USH2A: variants seen among roughly 807,000 people sequenced by gnomAD.
The protein encoded by USH2A is Usher syndrome 2A (autosomal recessive, mild).
A neutral mutation model predicts 538.9 loss-of-function variants in USH2A; 443 were observed. The ratio of observed to expected loss-of-function variants is 0.82; its 90% CI spans 0.76 to 0.89. The LOEUF is 0.89. Ranked by LOEUF, USH2A falls within the 40% of genes least tolerant of loss-of-function variation. USH2A has a pLI of 0.00. For missense variants in USH2A, 6,633 were observed against 6,324.8 expected (o/e 1.05, Z -1.65); for synonymous variants, 2,413 against 2,273.5 (o/e 1.06, Z -1.75).
intron 26 of USH2A, among the ~76,000 whole-genome samples, chr1:216,081,466 C>T (rs1355744307): frequency 6.6e-6 from 1 of 152,122 alleles, no homozygotes; most frequent in Non-Finnish European, 1.5e-5. Flanking sequence ...AGCCTCAGTC[C>T]TCAGATATGG....
intron 35 of USH2A, among the ~76,000 whole-genome samples, chr1:215,973,261 C>A (rs1289571641): frequency 6.6e-6 from 1 of 152,058 alleles, no homozygotes; most frequent in South Asian, 2.1e-4. Flanking sequence ...CATAATATCT[C>A]ATTTATCTGA....
At chr1:215,897,990 T>C (rs1188225221) in intron 40 of USH2A, among the ~76,000 whole-genome samples, 1 of 152,144 alleles carries the variant, frequency 6.6e-6, no homozygotes, top group Non-Finnish European at 1.5e-5. Flanking sequence ...TCAACTCAAT[T>C]GCATATCCTT....
chr1:216,350,948 A>G (rs769467772), intron 4 of USH2A, among the ~76,000 whole-genome samples: 5 of 152,162 alleles, frequency 3.3e-5, no homozygotes, highest in African/African-American at 4.8e-5. Flanking sequence ...CTGCCTGGAC[A>G]CCCAGGCTTT....
At chr1:215,932,523 A>G (rs1666390441) in intron 38 of USH2A, among the ~76,000 whole-genome samples, 1 of 152,066 alleles carries the variant, frequency 6.6e-6, no homozygotes, top group Non-Finnish European at 1.5e-5. Flanking sequence ...TTAAACTGCC[A>G]CAAGGTCATA....
At chr1:215,926,615 T>C (rs1039405895) in intron 38 of USH2A, among the ~76,000 whole-genome samples, 7 of 7,460 alleles carry the variant, frequency 9.4e-4, no homozygotes, top group Non-Finnish European at 5.1e-4. Context: ...CCTACCTATC[T>C]TTTTTTTTTT....
intron 30 of USH2A, among the ~76,000 whole-genome samples, chr1:216,049,831 A>G (rs1441452178): frequency 6.6e-6 from 1 of 152,090 alleles, no homozygotes; most frequent in Non-Finnish European, 1.5e-5. Context: ...TCTTCATTCC[A>G]GCAACGACCC....
chr1:215,865,467 G>A lies in USH2A; in HGVS notation c.8845+1540C>T, dbSNP rs189710462. ...CTATATTGGTGGAAATTCACCAGCC[G>A]GATCTTAACAGAAGTATTCAAATGT... On this transcript the variant is annotated intron_variant, in intron 44 of 71. Coordinates refer to ENST00000307340, the MANE Select transcript of USH2A (RefSeq NM_206933.4). Among the ~76,000 whole-genome samples, 79 of 152,184 alleles carry A rather than the reference G, an allele frequency of 5.2e-4. 1 individual carries two copies. Among genetic ancestry groups the A allele is most frequent in the Admixed American group, 4.6e-3 (70 of 15,282 alleles).
chr1:216,283,055 G>A (rs1434955869), intron 11 of USH2A, among the ~76,000 whole-genome samples: 1 of 152,038 alleles, frequency 6.6e-6, no homozygotes, highest in Non-Finnish European at 1.5e-5. Context: ...TATTGATATT[G>A]TACTCTGCAA....
At chr1:215,753,265 G>A (rs546163912) in intron 58 of USH2A, among the ~76,000 whole-genome samples, 1 of 152,048 alleles carries the variant, frequency 6.6e-6, no homozygotes, top group South Asian at 2.1e-4. Context: ...ATTCCTCAGG[G>A]ATCTTGAACT....
In USH2A at chr1:215,798,066, G is replaced by C. The variant is rs530048015; in HGVS notation, c.9958+841C>G. ...CCTCATGGATGACTAAGGGGTTTTA[G>C]ACTCAAAATGGGAAAAATAACTGCA... is the stretch of plus-strand genomic sequence containing the variant. On this transcript the variant is annotated intron_variant, in intron 50 of 71. Transcript: ENST00000307340. 2.0e-5 allele frequency among the ~76,000 whole-genome samples: 3 copies of C among 152,224 alleles called. No homozygotes were observed. In the South Asian group the frequency reaches 6.2e-4, roughly 32 times the overall value.
chr1:215,695,814 C>T (rs546150763), intron 61 of USH2A, among the ~76,000 whole-genome samples: 128 of 152,212 alleles, frequency 8.4e-4, no homozygotes, highest in African/African-American at 3.0e-3. Context: ...TACAGTGGAA[C>T]GATCTTGGCC....
intron 14 of USH2A, among the ~76,000 whole-genome samples, chr1:216,220,499 G>A (rs545537061): frequency 1.3e-5 from 2 of 151,190 alleles, no homozygotes; most frequent in South Asian, 2.1e-4. Context: ...GAAGGGATGG[G>A]AAGGGTAATT....
At position 215,837,730 on chromosome 1, in the gene USH2A, G is replaced by A. The variant is rs115177714; in HGVS notation, c.9371+261C>T. Among the ~76,000 whole-genome samples, 820 of 152,250 alleles carry A rather than the reference G, an allele frequency of 5.4e-3. 6 individuals are homozygous for A. Among genetic ancestry groups the A allele is most frequent in the African/African-American group, 0.018 (759 of 41,548 alleles). ...TCACTAAAGGACACATTCAAATAAG[G>A]AGACATGTATTTCAAGTATTTGCTT... On this transcript the variant is annotated intron_variant, in intron 47 of 71. Coordinates refer to ENST00000307340, the MANE Select transcript of USH2A (RefSeq NM_206933.4).
rs759039092 is a variant in USH2A at position 215,675,562 on chromosome 1, A to G, written c.12349T>C (p.Phe4117Leu). ...FLEYSGLNRQ[F>L]LFRRLDPFTL... ...AAAGGATCCAGGCGGCGGAAGAGAAACTGACGATTCAAACCAGAGTACTCC... is the reference window on the plus strand; with the variant it reads ...AAAGGATCCAGGCGGCGGAAGAGAAGCTGACGATTCAAACCAGAGTACTCC... Residue 4117 changes from phenylalanine to leucine, a missense_variant, in exon 63 of 72, where the codon TTT (phenylalanine) becomes CTT (leucine). Transcript: ENST00000307340. The G allele has an allele frequency of 1.2e-6, 2 of 1,614,074 alleles. No homozygotes were observed. Among genetic ancestry groups the G allele is most frequent in the South Asian group, 2.2e-5 (2 of 91,064 alleles).
chr1:215,682,327 T>C (rs1658262334), intron 61 of USH2A, among the ~76,000 whole-genome samples: 1 of 152,178 alleles, frequency 6.6e-6, no homozygotes, highest in African/African-American at 2.4e-5. Flanking sequence ...ATGAAAAGCA[T>C]GTGGGCTATA....
chr1:216,033,309 G>A (rs1050869859), intron 32 of USH2A, among the ~76,000 whole-genome samples: 4 of 152,162 alleles, frequency 2.6e-5, no homozygotes, highest in Non-Finnish European at 5.9e-5. Context: ...ATGTGTGTAT[G>A]CTTATAACAT....
At position 216,345,248 on chromosome 1, in the gene USH2A, C is replaced by A. The variant is rs891205361; in HGVS notation, c.785-17594G>T. Among the ~76,000 whole-genome samples, 3 of 151,972 alleles carry A rather than the reference C, an allele frequency of 2.0e-5. No individual in the cohort carries two copies. The East Asian group carries it at 5.8e-4, about 29-fold the overall frequency. On this transcript the variant is annotated intron_variant, in intron 4 of 71. Coordinates refer to ENST00000307340, the MANE Select transcript of USH2A (RefSeq NM_206933.4). ...GAGACCACATGTTGAAACTTCTGGT[C>A]AGAGGTTGGATTAATGATGACAGGG...
chr1:215,849,088 G>A (rs1663945449), intron 44 of USH2A, among the ~76,000 whole-genome samples: 1 of 152,054 alleles, frequency 6.6e-6, no homozygotes, highest in Admixed American at 6.6e-5. Context: ...AGAAAAGCTG[G>A]GTCTGAATGT....
intron 3 of USH2A, among the ~76,000 whole-genome samples, chr1:216,366,014 A>G (rs2038589378): frequency 6.6e-6 from 1 of 152,186 alleles, no homozygotes; most frequent in Non-Finnish European, 1.5e-5. Flanking sequence ...ATACCTGCAC[A>G]AAATTTTTAA....
Sources: gnomAD v4.1 joint callset for allele counts (sites outside exome capture counted in the v4.1 genomes callset) on GRCh38, gnomAD v4.1.1 for gene constraint, MANE v1.5 for transcripts, NCBI Gene and HGNC (gene_info 2026-07-23, HGNC 2026-07-21) for gene names.